The following SLC35H1 variants were observed in gnomAD, a reference collection of about 807,000 sequenced individuals.
SLC35H1 encodes ovarian cancer-overexpressed gene 1 protein.
At chr20:46,352,281 G>A in the SLC35H1 span, 1 of 1,504,850 alleles carries the variant, frequency 6.6e-7, no homozygotes, top group Non-Finnish European at 9.2e-7. Flanking sequence ...GCCTTGGCCA[G>A]CCCAATGCCA....
chr20:46,356,557 G>A, the SLC35H1 span: 10 of 1,613,628 alleles, frequency 6.2e-6, no homozygotes, highest in South Asian at 1.1e-4. Context: ...AGGCAGCAGG[G>A]CATGGCCAGT....
chr20:46,352,441 A>C, the SLC35H1 span: 1 of 561,910 alleles, frequency 1.8e-6, no homozygotes, highest in Non-Finnish European at 3.2e-6. Flanking sequence ...TGGCTGCCAG[A>C]GCGCCTGGGG....
chr20:46,354,755 G>A, the SLC35H1 span: 1 of 810,696 alleles, frequency 1.2e-6, no homozygotes, highest in African/African-American at 1.7e-5. Context: ...CCCAAACCAT[G>A]CGCTTCCAGG....
the SLC35H1 span, chr20:46,355,316 G>T: frequency 6.7e-7 from 1 of 1,495,484 alleles, no homozygotes. The surrounding 1 kb of genome is among the most constrained non-coding windows in gnomAD (Gnocchi z 4.8). Flanking sequence ...TGGAGCCTGG[G>T]GTCAGCAGCC....
chr20:46,360,239 A>T, the SLC35H1 span, among the ~76,000 whole-genome samples: 1 of 152,130 alleles, frequency 6.6e-6, no homozygotes, highest in East Asian at 1.9e-4. Flanking sequence ...CAAGAATAAG[A>T]CGCCTATGTA....
At chr20:46,355,140 C>G in the SLC35H1 span, 2 of 1,614,150 alleles carry the variant, frequency 1.2e-6, no homozygotes, top group Non-Finnish European at 1.7e-6. The surrounding 1 kb of genome is among the most constrained non-coding windows in gnomAD (Gnocchi z 4.8). Context: ...ACGAGGCCCC[C>G]AGCACCAAGG....
the SLC35H1 span, chr20:46,358,916 T>G: frequency 1.6e-6 from 1 of 639,306 alleles, no homozygotes; most frequent in Non-Finnish European, 2.8e-6. Flanking sequence ...GTCTGCTGTC[T>G]TGTCACCTCA....
chr20:46,350,418 G>A, the SLC35H1 span: 6 of 1,613,456 alleles, frequency 3.7e-6, no homozygotes, highest in South Asian at 6.6e-5. Context: ...GGGCCACAAA[G>A]TACTCCTCCT....
chr20:46,359,033 A>T, the SLC35H1 span: 12 of 465,192 alleles, frequency 2.6e-5, no homozygotes, highest in South Asian at 1.5e-4. Flanking sequence ...TTTCTGATAA[A>T]GACCAGCACC....
the SLC35H1 span, chr20:46,350,962 T>TG: frequency 1.3e-6 from 2 of 1,582,620 alleles, no homozygotes; most frequent in Non-Finnish European, 8.6e-7. Flanking sequence ...GGGTGGAAGG[T>TG]GGGGGCACTA....
At chr20:46,354,788 CAATA>C in the SLC35H1 span, 1 of 1,167,278 alleles carries the variant, frequency 8.6e-7, no homozygotes, top group Non-Finnish European at 1.2e-6. Context: ...TCTTTGATCT[CAATA>C]ATCTCTGCAG....
the SLC35H1 span, chr20:46,355,965 A>G: frequency 6.3e-7 from 1 of 1,578,902 alleles, no homozygotes; most frequent in East Asian, 2.2e-5. The surrounding 1 kb of genome is among the most constrained non-coding windows in gnomAD (Gnocchi z 4.8). Flanking sequence ...CACTGAGCGA[A>G]ATGACCAAAC....
the SLC35H1 span, chr20:46,352,443 C>A: frequency 1.1e-5 from 6 of 554,696 alleles, no homozygotes; most frequent in East Asian, 3.1e-5. Context: ...GCTGCCAGAG[C>A]GCCTGGGGGC....
chr20:46,346,405 C>T, the SLC35H1 span: 1 of 152,086 alleles, frequency 6.6e-6, no homozygotes, highest in Non-Finnish European at 1.5e-5. Flanking sequence ...GGGAGCAGCC[C>T]CTTCTTACAG....
At chr20:46,363,659 C>T in the SLC35H1 span, among the ~76,000 whole-genome samples, 1 of 152,226 alleles carries the variant, frequency 6.6e-6, no homozygotes, top group Admixed American at 6.5e-5. Flanking sequence ...GTCTAAGCCA[C>T]AATTATCTTT....
the SLC35H1 span, chr20:46,358,548 C>A: frequency 1.1e-4 from 174 of 1,614,078 alleles, 1 homozygote; most frequent in South Asian, 1.7e-3. Context: ...TCAGCGGGGG[C>A]AGGCACCCCT....
chr20:46,360,135 G>C, the SLC35H1 span, among the ~76,000 whole-genome samples: 1 of 152,200 alleles, frequency 6.6e-6, no homozygotes, highest in Non-Finnish European at 1.5e-5. Flanking sequence ...ATAGGTGAAA[G>C]ATTAGCTTAT....
chr20:46,347,969 G>A, the SLC35H1 span: 6 of 152,414 alleles, frequency 3.9e-5, no homozygotes, highest in East Asian at 1.9e-4. Flanking sequence ...AAGCCTCGGA[G>A]CTGGGGCTGT....
chr20:46,356,386 C>A, the SLC35H1 span, among the ~76,000 whole-genome samples: 1 of 152,172 alleles, frequency 6.6e-6, no homozygotes, highest in Admixed American at 6.5e-5. Flanking sequence ...ATCTCCTCTG[C>A]GCTGGGCTTA....
Sources: gnomAD v4.1 joint callset for allele counts (sites outside exome capture counted in the v4.1 genomes callset) on GRCh38, gnomAD v4.1.1 for gene constraint, Gnocchi (gnomAD v3.1) non-coding constraint, MANE v1.5 for transcripts, NCBI Gene and HGNC (gene_info 2026-07-23, HGNC 2026-07-21) for gene names.